The following CDKAL1 variants were observed in gnomAD, a reference collection of about 807,000 sequenced individuals.
CDKAL1 encodes the protein threonylcarbamoyladenosine tRNA methylthiotransferase.
CDKAL1 carries 32 observed loss-of-function variants against 68.2 expected under a neutral mutation model. The observed-to-expected ratio is 0.47, with a 90% CI of 0.35 to 0.63. The LOEUF (loss-of-function observed/expected upper bound fraction) is 0.63. Ranked by LOEUF, CDKAL1 falls within the 30% of genes least tolerant of loss-of-function variation. The pLI is 0.00. For synonymous variants in CDKAL1, 234 were observed against 244.3 expected, an observed-to-expected ratio of 0.96 and a Z score of 0.39; for missense variants, 606 against 696.7, an observed-to-expected ratio of 0.87 and a Z score of 1.47.
chr6:20,625,773 T>C (rs1018787761), intron 4 of CDKAL1, among the ~76,000 whole-genome samples: 2 of 152,098 alleles, frequency 1.3e-5, no homozygotes, highest in Non-Finnish European at 2.9e-5. Flanking sequence ...GTAGTAAAGA[T>C]TATAGATTAT....
chr6:20,561,613 A>T (rs1207277379), intron 4 of CDKAL1, among the ~76,000 whole-genome samples: 1 of 152,120 alleles, frequency 6.6e-6, no homozygotes, highest in Non-Finnish European at 1.5e-5. Flanking sequence ...CTTTCTGAAG[A>T]TTAAATGAAT....
chr6:20,585,468 C>T (rs990893974), intron 4 of CDKAL1, among the ~76,000 whole-genome samples: 2 of 152,188 alleles, frequency 1.3e-5, no homozygotes, highest in Admixed American at 6.5e-5. Context: ...CTTGGAAGGA[C>T]CTGCTGCTTC....
intron 8 of CDKAL1, chr6:20,799,668 G>A (rs946936792): frequency 6.6e-6 from 1 of 152,160 alleles, no homozygotes; most frequent in Non-Finnish European, 1.5e-5. Flanking sequence ...GTATTGTATT[G>A]CTACTGGAGG....
chr6:21,092,244 T>TA (rs2150971194), intron 12 of CDKAL1, among the ~76,000 whole-genome samples: 1 of 148,090 alleles, frequency 6.8e-6, no homozygotes, highest in African/African-American at 2.5e-5. Flanking sequence ...GGGGTTTAGA[T>TA]TAACTGATTC....
chr6:20,573,158 T>A (rs1472227259), intron 4 of CDKAL1, among the ~76,000 whole-genome samples: 1 of 152,176 alleles, frequency 6.6e-6, no homozygotes, highest in Non-Finnish European at 1.5e-5. Context: ...GTTTGCCTTT[T>A]TTGAAAAAGT....
Position 21,102,494 on chromosome 6 carries a change from T to C in CDKAL1, c.1237-5907T>C, listed in dbSNP as rs989409750. ...TGACTTCAGTGTCCCTTATTGCATC[T>C]TAGTAAGCCCTTGTTCTCTGCGTGA... On this transcript the variant is annotated intron_variant, in intron 12 of 15. Coordinates refer to ENST00000274695, the MANE Select transcript of CDKAL1 (RefSeq NM_017774.3). Among the ~76,000 whole-genome samples, 3 of 152,190 alleles carry C rather than the reference T, an allele frequency of 2.0e-5. No individual in the cohort carries two copies. In the East Asian group the frequency reaches 5.8e-4, roughly 29 times the overall value.
intron 5 of CDKAL1, among the ~76,000 whole-genome samples, chr6:20,651,347 T>G (rs1768761819): frequency 6.6e-6 from 1 of 152,144 alleles, no homozygotes; most frequent in Admixed American, 6.5e-5. Context: ...ATGATTTGGC[T>G]CTCAGTTTGT....
chr6:20,747,324 A>G (rs1773705620), intron 6 of CDKAL1, among the ~76,000 whole-genome samples: 1 of 152,152 alleles, frequency 6.6e-6, no homozygotes, highest in Non-Finnish European at 1.5e-5. Flanking sequence ...ATCTCTACAG[A>G]GTGCTGATTT....
At chr6:20,750,982 A>G (rs186987627) in intron 6 of CDKAL1, among the ~76,000 whole-genome samples, 1,893 of 110,214 alleles carry the variant, frequency 0.017, 18 homozygotes, top group Non-Finnish European at 0.03. Context: ...AAAAAAAAAA[A>G]AAAGAAGTAA....
At chr6:20,906,271 A>G (rs1056410343) in intron 9 of CDKAL1, among the ~76,000 whole-genome samples, 1 of 152,048 alleles carries the variant, frequency 6.6e-6, no homozygotes, top group African/African-American at 2.4e-5. Flanking sequence ...GACACACAAC[A>G]TATAAAGGTA....
intron 4 of CDKAL1, among the ~76,000 whole-genome samples, chr6:20,610,854 C>G (rs1398027934): frequency 6.6e-6 from 1 of 152,168 alleles, no homozygotes; most frequent in African/African-American, 2.4e-5. Context: ...TGGAATGAGT[C>G]TAGTTTTTGA....
At chr6:20,672,813 G>A (rs984899231) in intron 5 of CDKAL1, among the ~76,000 whole-genome samples, 2 of 152,082 alleles carry the variant, frequency 1.3e-5, no homozygotes, top group Non-Finnish European at 1.5e-5. Flanking sequence ...GTTTCACTCT[G>A]TTGCCCAGGC....
intron 12 of CDKAL1, among the ~76,000 whole-genome samples, chr6:21,104,039 G>C (rs1170036151): frequency 6.6e-6 from 1 of 152,166 alleles, no homozygotes. Context: ...TAATGGCCGT[G>C]TTTTAGTTAC....
intron 13 of CDKAL1, among the ~76,000 whole-genome samples, chr6:21,176,538 G>C (rs1777577979): frequency 6.6e-6 from 1 of 152,164 alleles, no homozygotes; most frequent in Non-Finnish European, 1.5e-5. Context: ...ATATTGCTTG[G>C]AATTTATTTG....
Position 20,971,605 on chromosome 6 carries a change from A to G in CDKAL1, c.909+16020A>G, listed in dbSNP as rs537092585. On this transcript the variant is annotated intron_variant, in intron 10 of 15. Coordinates refer to ENST00000274695, the MANE Select transcript of CDKAL1 (RefSeq NM_017774.3). ...AAGTAACAGATTTTAGAATATAACA[A>G]TTTTATTACTAACATATTTGTTATA... Among the ~76,000 whole-genome samples, 12 of 152,328 alleles carry G rather than the reference A, an allele frequency of 7.9e-5. 1 individual carries two copies. The highest frequency in any genetic ancestry group is 2.6e-4 in the African/African-American group (11 of 41,590).
At chr6:20,583,280 CTT>C (rs1184182121) in intron 4 of CDKAL1, among the ~76,000 whole-genome samples, 1 of 152,092 alleles carries the variant, frequency 6.6e-6, no homozygotes, top group African/African-American at 2.4e-5. Flanking sequence ...TCTTGTTAGA[CTT>C]TTACTTCTTG....
chr6:21,014,980 C>T (rs1280656944), intron 11 of CDKAL1, among the ~76,000 whole-genome samples: 1 of 152,074 alleles, frequency 6.6e-6, no homozygotes, highest in Non-Finnish European at 1.5e-5. Context: ...TCTAGATTTC[C>T]TTATTGTAGT....
chr6:20,662,599 T>C (rs1374811222), intron 5 of CDKAL1, among the ~76,000 whole-genome samples: 1 of 152,174 alleles, frequency 6.6e-6, no homozygotes, highest in Admixed American at 6.6e-5. Context: ...GTCATTTCTT[T>C]ATCTGTCTGC....
intron 10 of CDKAL1, among the ~76,000 whole-genome samples, chr6:20,962,263 G>A (rs1040988547): frequency 1.3e-5 from 2 of 152,298 alleles, no homozygotes; most frequent in African/African-American, 2.4e-5. Flanking sequence ...TTTATAGCTA[G>A]TATACTTATG....
Sources: allele counts gnomAD v4.1 joint callset (sites outside exome capture counted in the v4.1 genomes callset), GRCh38; gene constraint gnomAD v4.1.1; transcripts MANE v1.5; gene names NCBI Gene and HGNC (gene_info 2026-07-23, HGNC 2026-07-21).